CACHD1: variants seen among roughly 807,000 people sequenced by gnomAD.
CACHD1 encodes the protein VWFA and cache domain-containing protein 1.
Under a neutral mutation model 138.7 loss-of-function variants are expected in CACHD1, and 71 were observed. That is an observed-to-expected ratio of 0.51 (90% CI 0.42 to 0.62). The LOEUF is 0.62. Ranked by LOEUF, CACHD1 falls within the 20% of genes least tolerant of loss-of-function variation. The probability of loss-of-function intolerance (pLI) is 0.00; values close to 1 mark genes in which losing one functional copy is unlikely to be tolerated. For missense variants in CACHD1, 1,389 were observed against 1,625.3 expected, an observed-to-expected ratio of 0.85 and a Z score of 2.50; for synonymous variants, 578 against 591.5, an observed-to-expected ratio of 0.98 and a Z score of 0.33.
intron 1 of CACHD1, among the ~76,000 whole-genome samples, chr1:64,492,405 C>T (rs1301869618): frequency 6.3e-5 from 3 of 47,772 alleles, no homozygotes; most frequent in Non-Finnish European, 8.7e-5. Context: ...TAAAACAAGC[C>T]GTTGACCAGC....
intron 1 of CACHD1, among the ~76,000 whole-genome samples, chr1:64,488,130 G>A (rs559502978): frequency 4.1e-4 from 62 of 152,244 alleles, no homozygotes; most frequent in Non-Finnish European, 8.4e-4. Flanking sequence ...TAAACAGCCT[G>A]CAATTGTTTC....
chr1:64,548,412 T>C (rs1303234862), intron 1 of CACHD1, among the ~76,000 whole-genome samples: 1 of 152,246 alleles, frequency 6.6e-6, no homozygotes, highest in Admixed American at 6.5e-5. Flanking sequence ...CTGTTGGCAC[T>C]ATTTAACAGC....
intron 21 of CACHD1, 63 bp from the exon 22 acceptor site, chr1:64,676,832 A>G: frequency 7.6e-7 from 1 of 1,323,338 alleles, no homozygotes; most frequent in Non-Finnish European, 1.1e-6. Context: ...GTTAAGGACC[A>G]GGAGCATGAG....
chr1:64,546,576 C>A (rs1214147602), intron 1 of CACHD1, among the ~76,000 whole-genome samples: 1 of 152,062 alleles, frequency 6.6e-6, no homozygotes. Flanking sequence ...CTTAAGTGAT[C>A]CACCTGCCTC....
intron 3 of CACHD1, among the ~76,000 whole-genome samples, chr1:64,599,204 A>G (rs1197291376): frequency 6.6e-6 from 1 of 152,178 alleles, no homozygotes; most frequent in Non-Finnish European, 1.5e-5. Flanking sequence ...CAGCTAGTTT[A>G]TAGTCCAAAT....
chr1:64,656,351 A>G (rs1267661978), intron 12 of CACHD1, among the ~76,000 whole-genome samples: 1 of 152,220 alleles, frequency 6.6e-6, no homozygotes, highest in African/African-American at 2.4e-5. Context: ...TGATAGCACC[A>G]TCTGCCCTTA....
chr1:64,563,358 T>A (rs1250013219), intron 2 of CACHD1, among the ~76,000 whole-genome samples: 1 of 151,548 alleles, frequency 6.6e-6, no homozygotes, highest in East Asian at 2.0e-4. Flanking sequence ...TCCAAATAAT[T>A]ATTTTACTCA....
At chr1:64,522,144 G>A (rs1007863997) in intron 1 of CACHD1, among the ~76,000 whole-genome samples, 1 of 151,964 alleles carries the variant, frequency 6.6e-6, no homozygotes, top group Non-Finnish European at 1.5e-5. Flanking sequence ...ATGTTGTAAG[G>A]GTCCAACTTT....
chr1:64,617,078 G>A (rs1363184885), intron 4 of CACHD1, among the ~76,000 whole-genome samples: 1 of 150,848 alleles, frequency 6.6e-6, no homozygotes, highest in African/African-American at 2.4e-5. Context: ...GGAGATTAAT[G>A]TCTCAGGTTA....
chr1:64,691,645 G>A lies in CACHD1; in HGVS notation c.*84G>A. On this transcript the variant is annotated 3_prime_UTR_variant, in exon 27 of 27. Coordinates refer to ENST00000651257, the MANE Select transcript of CACHD1 (RefSeq NM_020925.4). ...AAAAAGAACCGGCTTAAAACCCACA[G>A]CAAGAGACCTCCCTTGTGTTTGTGC... 2.5e-6 allele frequency: 3 copies of A among 1,198,146 alleles called. No homozygotes were observed. The highest frequency in any genetic ancestry group is 1.9e-5 in the Admixed American group (1 of 53,400). 74.2% of individuals were successfully genotyped at this position (1,198,146 alleles called of 1,614,324 possible). A position where few individuals can be genotyped will look rare whatever the true frequency, so the allele number is the denominator to read the frequency against.
chr1:64,642,090 C>T, intron 8 of CACHD1, 121 bp downstream of exon 8: 7 of 846,490 alleles, frequency 8.3e-6, no homozygotes, highest in Non-Finnish European at 1.2e-5. Context: ...AAAAGGCAAC[C>T]AGGCGGCTCT....
intron 1 of CACHD1, among the ~76,000 whole-genome samples, chr1:64,474,434 G>A (rs185481122): frequency 6.6e-6 from 1 of 152,330 alleles, no homozygotes. Context: ...ATTGAGGATG[G>A]TGATTCTTCC....
At chr1:64,497,876 A>G (rs1646314317) in intron 1 of CACHD1, among the ~76,000 whole-genome samples, 1 of 152,186 alleles carries the variant, frequency 6.6e-6, no homozygotes, top group Non-Finnish European at 1.5e-5. Flanking sequence ...CTGTAATCCC[A>G]GCACTTTGGG....
At chr1:64,649,945 C>G (rs958469346) in intron 9 of CACHD1, among the ~76,000 whole-genome samples, 1 of 152,166 alleles carries the variant, frequency 6.6e-6, no homozygotes, top group Non-Finnish European at 1.5e-5. Flanking sequence ...GTGCCACATC[C>G]TCTGACTCCA....
intron 5 of CACHD1, 139 bp downstream of exon 5, chr1:64,629,620 A>G (rs1648231828): frequency 1.9e-6 from 2 of 1,068,376 alleles, no homozygotes; most frequent in Non-Finnish European, 2.6e-6. Flanking sequence ...AAATGAATTC[A>G]CCATTTAGTA....
At chr1:64,636,844 A>G (rs1648540578) in intron 7 of CACHD1, among the ~76,000 whole-genome samples, 1 of 152,184 alleles carries the variant, frequency 6.6e-6, no homozygotes, top group South Asian at 2.1e-4. Context: ...GTAATGGCTC[A>G]TTACTTGCCA....
intron 1 of CACHD1, among the ~76,000 whole-genome samples, chr1:64,546,302 T>C (rs1040601091): frequency 6.6e-6 from 1 of 152,110 alleles, no homozygotes; most frequent in Non-Finnish European, 1.5e-5. Context: ...CCTGTCATGA[T>C]GGCTCTTCAT....
intron 13 of CACHD1, among the ~76,000 whole-genome samples, chr1:64,659,097 G>T (rs944729177): frequency 9.2e-5 from 14 of 152,128 alleles, no homozygotes; most frequent in African/African-American, 3.4e-4. Context: ...TATAGGATGG[G>T]CTTTGAGAAA....
intron 2 of CACHD1, among the ~76,000 whole-genome samples, chr1:64,576,377 A>G (rs978191616): frequency 2.6e-5 from 4 of 151,376 alleles, no homozygotes; most frequent in Non-Finnish European, 5.9e-5. Flanking sequence ...TCTTCAGTTT[A>G]TTGGATACAT....
Sources: allele counts gnomAD v4.1 joint callset (sites outside exome capture counted in the v4.1 genomes callset), GRCh38; gene constraint gnomAD v4.1.1; transcripts MANE v1.5; gene names NCBI Gene and HGNC (gene_info 2026-07-23, HGNC 2026-07-21).